Variants in SH2B2 observed in about 807,000 individuals in gnomAD.
SH2B2 encodes the protein SH2B adaptor protein 2.
In SH2B2, 37 loss-of-function variants were observed where a neutral mutation model predicts 35.7. The ratio of observed to expected loss-of-function variants is 1.04; its 90% CI spans 0.80 to 1.36. SH2B2 has a LOEUF of 1.36. Among genes scored for constraint, SH2B2 ranks in the 40% most tolerant of loss-of-function variants. SH2B2 has a pLI of 0.00. For missense variants in SH2B2, 852 were observed against 817.7 expected (o/e 1.04, Z -0.51); for synonymous variants, 383 against 376.4 (o/e 1.02, Z -0.20).
chr7:102,295,694 C>T (rs1169510865), intron 1 of SH2B2, among the ~76,000 whole-genome samples: 3 of 152,196 alleles, frequency 2.0e-5, no homozygotes, highest in African/African-American at 4.8e-5. Flanking sequence ...GACACTTGTG[C>T]TGGCCTGGAT....
chr7:102,301,216 C>G lies in SH2B2; in HGVS notation c.666C>G (p.Arg222=), dbSNP rs1251628135. Residue 222 remains arginine (R), a synonymous_variant, in exon 2 of 9, where the codon CGC becomes CGG. Transcript: ENST00000444095. The stretch of plus-strand genomic sequence containing the variant: ...GCTCGGCTCAGTGGCAGAAGTGCCG[C>G]CTGCTCCTGCGCAGGGCTGTGGCCG... ...SGGSAQWQKC[R]LLLRRAVAEE... is the part of the protein sequence containing the mutation. 6.3e-7 allele frequency: 1 copy of G among 1,596,088 alleles called. No homozygotes were observed. The highest frequency in any genetic ancestry group is 1.7e-5 in the Admixed American group (1 of 58,086).
Position 102,321,532 on chromosome 7 carries a change from C to G in SH2B2, c.1801C>G (p.Arg601Gly), listed in dbSNP as rs1554558629. Residue 601 changes from arginine to glycine, a missense_variant, in exon 9 of 9, where the codon CGC becomes GGC. This residue lies in a region of SH2B2 where 556 missense variants were observed against 514.5 expected (regional missense o/e 1.08). Coordinates refer to ENST00000444095, the MANE Select transcript of SH2B2 (RefSeq NM_001359228.2). ...SARSRSNSAE[R>G]LLEAVAATAA... ...GCGGAGCCGCAGCAACAGCGCCGAG[C>G]GCCTGCTGGAGGCCGTGGCCGCCAC... 3 of 1,144,500 alleles carry G rather than the reference C, an allele frequency of 2.6e-6. No individual in the cohort carries two copies. Among genetic ancestry groups the G allele is most frequent in the Non-Finnish European group, 3.2e-6 (3 of 932,870 alleles). 70.9% of individuals were successfully genotyped at this position (1,144,500 alleles called of 1,614,324 possible). A position where few individuals can be genotyped will look rare whatever the true frequency, so the allele number is the denominator to read the frequency against.
At chr7:102,289,509 TTGGA>T (rs1414813177) in intron 1 of SH2B2, among the ~76,000 whole-genome samples, 1 of 151,932 alleles carries the variant, frequency 6.6e-6, no homozygotes, top group Non-Finnish European at 1.5e-5. Context: ...GTATTTGAAC[TTGGA>T]TGTGGTGAGT....
chr7:102,306,985 T>C (rs1201706344), intron 3 of SH2B2, among the ~76,000 whole-genome samples, 163 bp downstream of exon 3: 2 of 152,190 alleles, frequency 1.3e-5, no homozygotes, highest in East Asian at 3.9e-4. Context: ...GACAGATGCC[T>C]AGCACATAGC....
intron 1 of SH2B2, among the ~76,000 whole-genome samples, chr7:102,289,017 C>G (rs1372549721): frequency 2.0e-5 from 3 of 152,190 alleles, no homozygotes; most frequent in Non-Finnish European, 4.4e-5. Context: ...GCCCTGGGGC[C>G]TGGGGAGGTT....
rs868929104 is a variant in SH2B2, at chr7:102,321,465, G to C, written c.1734G>C (p.Ser578=). Residue 578 remains serine, a synonymous_variant, in exon 9 of 9, where the codon TCG becomes TCC. Coordinates refer to ENST00000444095, the MANE Select transcript of SH2B2 (RefSeq NM_001359228.2). ...CCGCCTCGTCGTCCTCTGCCGCGTC[G>C]GGGCCCGCCCCCCCGCGCCCCGTCG... ...SSSASSSSAA[S]GPAPPRPVEG... The C allele has an allele frequency of 1.3e-5, 16 of 1,210,492 alleles. 1 individual carries two copies. The African/African-American group carries it at 2.1e-4, about 16-fold the overall frequency. The allele number at this position is 1,210,492 out of a possible 1,614,324, so 75.0% of individuals were successfully genotyped here. A position where few individuals can be genotyped will look rare whatever the true frequency, so the allele number is the denominator to read the frequency against.
intron 1 of SH2B2, among the ~76,000 whole-genome samples, chr7:102,293,368 G>T (rs1334731008): frequency 6.6e-6 from 1 of 151,622 alleles, no homozygotes; most frequent in Non-Finnish European, 1.5e-5. Context: ...CCGTGGCCTG[G>T]AAAGGCGATG....
chr7:102,303,173 C>T (rs1317373406), intron 2 of SH2B2, among the ~76,000 whole-genome samples: 37 of 151,560 alleles, frequency 2.4e-4, no homozygotes, highest in African/African-American at 9.0e-4. Context: ...GCCGAGATCA[C>T]GCCATTGCAC....
At chr7:102,305,893 C>CTTTT (rs1292537190) in intron 2 of SH2B2, among the ~76,000 whole-genome samples, 10 of 107,304 alleles carry the variant, frequency 9.3e-5, no homozygotes, top group Non-Finnish European at 1.7e-4. Flanking sequence ...TTTTTTTTTT[C>CTTTT]TTTTTTTTTT....
At chr7:102,291,409 G>A (rs370178046) in intron 1 of SH2B2, among the ~76,000 whole-genome samples, 2 of 152,162 alleles carry the variant, frequency 1.3e-5, no homozygotes, top group Admixed American at 6.6e-5. Context: ...TTATCTGCAC[G>A]GAAGAGCAGC....
chr7:102,294,416 C>A (rs1297802642), intron 1 of SH2B2, among the ~76,000 whole-genome samples: 1 of 152,110 alleles, frequency 6.6e-6, no homozygotes, highest in African/African-American at 2.4e-5. Flanking sequence ...GAAACACCAA[C>A]CTTGGCAGCA....
At position 102,314,571 on chromosome 7, in the gene SH2B2, C is replaced by A. The variant is rs957489790; in HGVS notation, c.1075C>A (p.His359Asn). 7.3e-3 allele frequency: 2,901 copies of A among 398,670 alleles called. 62 individuals are homozygous for A. Among genetic ancestry groups the A allele is most frequent in the African/African-American group, 0.054 (2,625 of 48,706 alleles). 24.7% of individuals were successfully genotyped at this position (398,670 alleles called of 1,614,324 possible). A position where few individuals can be genotyped will look rare whatever the true frequency, so the allele number is the denominator to read the frequency against. ...CGTGGGTGCAGTGGTGACAGCCCCC[C>A]ACAGCCGAGGTCGAGATGCCGTCAG... ...TAVGAVVTAP[H>N]SRGRDAVRES... Residue 359 changes from histidine to asparagine, a missense_variant, in exon 6 of 9, where the codon CAC (histidine) becomes AAC (asparagine). This residue lies in a region of SH2B2 where 556 missense variants were observed against 514.5 expected (regional missense o/e 1.08). Coordinates refer to ENST00000444095, the MANE Select transcript of SH2B2 (RefSeq NM_001359228.2).
intron 7 of SH2B2, among the ~76,000 whole-genome samples, chr7:102,318,413 A>C (rs1182175262): frequency 1.3e-5 from 2 of 152,240 alleles, no homozygotes; most frequent in African/African-American, 2.4e-5. Context: ...TGCTGGGATT[A>C]CAGGCGTGAG....
At chr7:102,318,203 A>G (rs1554557497) in intron 7 of SH2B2, among the ~76,000 whole-genome samples, 4 of 152,046 alleles carry the variant, frequency 2.6e-5, no homozygotes, top group Non-Finnish European at 1.5e-5. Flanking sequence ...CAACATCGCA[A>G]TCTCAGCTCA....
intron 2 of SH2B2, among the ~76,000 whole-genome samples, chr7:102,304,802 G>A (rs1387362520): frequency 6.6e-6 from 1 of 152,222 alleles, no homozygotes; most frequent in African/African-American, 2.4e-5. Context: ...GCCACACACC[G>A]GGGTTAGCCA....
At chr7:102,321,254 G>T in intron 8 of SH2B2, 45 bp from the exon 9 acceptor site, 1 of 1,317,080 alleles carries the variant, frequency 7.6e-7, no homozygotes, top group African/African-American at 1.6e-5. Flanking sequence ...GCAGGATGTG[G>T]CCAGCCCAGG....
chr7:102,288,217 T>G (rs1043488371), intron 1 of SH2B2, among the ~76,000 whole-genome samples: 21 of 151,964 alleles, frequency 1.4e-4, no homozygotes, highest in Non-Finnish European at 2.9e-4. Context: ...CCTTGAACTC[T>G]CCCAACCTCT....
chr7:102,306,072 T>C (rs942971349), intron 2 of SH2B2, among the ~76,000 whole-genome samples: 13 of 151,810 alleles, frequency 8.6e-5, no homozygotes, highest in African/African-American at 3.1e-4. Context: ...GCTAAGTTTT[T>C]TGGTCTCTTT....
intron 1 of SH2B2, among the ~76,000 whole-genome samples, chr7:102,288,959 G>C: frequency 6.6e-6 from 1 of 152,220 alleles, no homozygotes; most frequent in East Asian, 1.9e-4. Flanking sequence ...GTCTTCCCGG[G>C]GCTACGCTCA....
Sources: allele counts gnomAD v4.1 joint callset (sites outside exome capture counted in the v4.1 genomes callset), GRCh38; gene constraint gnomAD v4.1.1; regional missense constraint gnomAD v4.1.1; transcripts MANE v1.5; gene names NCBI Gene and HGNC (gene_info 2026-07-23, HGNC 2026-07-21).